The following PTGES variants were observed in gnomAD, a reference collection of about 807,000 sequenced individuals.
PTGES encodes prostaglandin E synthase.
In PTGES, 3 loss-of-function variants were observed where a neutral mutation model predicts 11.8. The ratio of observed to expected loss-of-function variants is 0.25; its 90% confidence interval spans 0.12 to 0.66. The LOEUF (loss-of-function observed/expected upper bound fraction) is 0.66, where lower values mean the gene tolerates loss of function less well. Ranked by LOEUF, PTGES falls within the 30% of genes least tolerant of loss-of-function variation. The pLI is 0.82. For missense variants in PTGES, 180 were observed against 213.0 expected, an observed-to-expected ratio of 0.85 and a Z score of 0.96; for synonymous variants, 94 against 90.4, an observed-to-expected ratio of 1.04 and a Z score of -0.22.
chr9:129,749,086 A>G (rs1833076748), intron 1 of PTGES, among the ~76,000 whole-genome samples: 1 of 152,222 alleles, frequency 6.6e-6, no homozygotes, highest in Non-Finnish European at 1.5e-5. Flanking sequence ...TCTCTGAGGC[A>G]GTGACATGAA....
Position 129,751,840 on chromosome 9 carries a change from C to T in PTGES, c.126+1047G>A, listed in dbSNP as rs184683348. Among the ~76,000 whole-genome samples, 145 of 152,270 alleles carry T rather than the reference C, an allele frequency of 9.5e-4. 1 individual carries two copies. Among genetic ancestry groups the T allele is most frequent in the African/African-American group, 3.2e-3 (134 of 41,570 alleles). ...GCCTCCCCTGCCCTCAGGGCTGTGGCGGGGATCTCATGCTCAGCTCCGGGC... is the reference window on the plus strand; with the variant it reads ...GCCTCCCCTGCCCTCAGGGCTGTGGTGGGGATCTCATGCTCAGCTCCGGGC... On this transcript the variant is annotated intron_variant, in intron 1 of 2. Coordinates refer to ENST00000340607, the MANE Select transcript of PTGES (RefSeq NM_004878.5).
Position 129,749,823 on chromosome 9 carries a change from G to C in PTGES, c.127-1086C>G, listed in dbSNP as rs148522628. On this transcript the variant is annotated intron_variant, in intron 1 of 2. Transcript: ENST00000340607. ...CAGAAAACCAGCACACGGGAGCACA[G>C]AGGGCAAGGGACAGGGGCCCAAGAT... 2.3e-3 allele frequency among the ~76,000 whole-genome samples: 351 copies of C among 152,338 alleles called. 4 individuals carry two copies. The highest frequency in any genetic ancestry group is 8.1e-3 in the African/African-American group (335 of 41,574).
chr9:129,751,643 C>T (rs1045794139), intron 1 of PTGES, among the ~76,000 whole-genome samples: 5 of 152,006 alleles, frequency 3.3e-5, no homozygotes, highest in African/African-American at 4.8e-5. Context: ...CATGCCGCTG[C>T]ACTCCAGCCT....
At chr9:129,750,365 G>T (rs931567374) in intron 1 of PTGES, among the ~76,000 whole-genome samples, 1 of 152,216 alleles carries the variant, frequency 6.6e-6, no homozygotes, top group African/African-American at 2.4e-5. Flanking sequence ...AGATCTTCGA[G>T]ATTGGAACCT....
At chr9:129,749,161 G>T (rs1385259536) in intron 1 of PTGES, among the ~76,000 whole-genome samples, 1 of 152,228 alleles carries the variant, frequency 6.6e-6, no homozygotes, top group Non-Finnish European at 1.5e-5. Context: ...GAAGGCCAAG[G>T]CAGGGGGATT....
chr9:129,744,891 A>T (rs4837407), intron 2 of PTGES, among the ~76,000 whole-genome samples: 14,608 of 151,448 alleles, frequency 0.096, 768 homozygotes, highest in East Asian at 0.2. Context: ...AAAAAAAAAA[A>T]TTTTTTTTGA....
chr9:129,743,034 G>T (rs1022489356), intron 2 of PTGES, among the ~76,000 whole-genome samples: 5 of 152,364 alleles, frequency 3.3e-5, no homozygotes, highest in African/African-American at 9.6e-5. Flanking sequence ...GGCAGACGTG[G>T]ATCCTGCTCT....
At chr9:129,751,924 C>G (rs1308925575) in intron 1 of PTGES, among the ~76,000 whole-genome samples, 1 of 152,208 alleles carries the variant, frequency 6.6e-6, no homozygotes, top group Non-Finnish European at 1.5e-5. Flanking sequence ...ACTTGATGCC[C>G]GGATCCCATA....
intron 2 of PTGES, among the ~76,000 whole-genome samples, chr9:129,743,220 T>C (rs1003471788): frequency 6.6e-6 from 1 of 152,186 alleles, no homozygotes; most frequent in Admixed American, 6.5e-5. Context: ...CCCTCACTCG[T>C]CTGGTCTGTC....
At chr9:129,741,798 G>A (rs531553224) in intron 2 of PTGES, among the ~76,000 whole-genome samples, 1 of 152,154 alleles carries the variant, frequency 6.6e-6, no homozygotes, top group East Asian at 1.9e-4. Context: ...CCAGCTACTC[G>A]GGAGGCTGAG....
intron 1 of PTGES, among the ~76,000 whole-genome samples, chr9:129,751,885 A>G (rs1833114298): frequency 6.6e-6 from 1 of 152,220 alleles, no homozygotes; most frequent in Non-Finnish European, 1.5e-5. Flanking sequence ...TCCTCTGGGA[A>G]GGATTCAATG....
intron 2 of PTGES, among the ~76,000 whole-genome samples, chr9:129,743,218 C>T (rs571532397): frequency 3.3e-5 from 5 of 152,306 alleles, no homozygotes; most frequent in East Asian, 1.9e-4. Flanking sequence ...CTCCCTCACT[C>T]GTCTGGTCTG....
intron 1 of PTGES, among the ~76,000 whole-genome samples, chr9:129,749,815 G>A (rs1833086412): frequency 6.6e-6 from 1 of 152,190 alleles, no homozygotes; most frequent in Non-Finnish European, 1.5e-5. Flanking sequence ...CCAGCACACG[G>A]GAGCACAGAG....
rs200639731 is a variant in PTGES, at chr9:129,739,564, C to T, written c.*47G>A. On this transcript the variant is annotated 3_prime_UTR_variant, in exon 3 of 3. Coordinates refer to ENST00000340607, the MANE Select transcript of PTGES (RefSeq NM_004878.5). This position sits in a 1 kb window ranked among gnomAD's most constrained non-coding sequence, Gnocchi z 5.7. Reference sequence around the variant, plus strand: ...ATCAAGTCCCCAGGTATAGCCACGGCGGCTCTTGGCCCATGGTCTGGTGGC... The same window carrying T: ...ATCAAGTCCCCAGGTATAGCCACGGTGGCTCTTGGCCCATGGTCTGGTGGC... 7.8e-6 allele frequency: 12 copies of T among 1,530,514 alleles called. No homozygotes were observed. The highest frequency in any genetic ancestry group is 7.4e-5 in the East Asian group (3 of 40,718). The allele number at this position is 1,530,514 out of a possible 1,614,324, so 94.8% of individuals were successfully genotyped here. A position where few individuals can be genotyped will look rare whatever the true frequency, so the allele number is the denominator to read the frequency against.
At chr9:129,752,380 A>G (rs1481384057) in intron 1 of PTGES, among the ~76,000 whole-genome samples, 2 of 152,102 alleles carry the variant, frequency 1.3e-5, no homozygotes, top group African/African-American at 4.8e-5. Flanking sequence ...TTAGTGGGGA[A>G]ATTCCTCGCT....
chr9:129,740,947 C>T (rs1588185390), intron 2 of PTGES, among the ~76,000 whole-genome samples: 1 of 152,232 alleles, frequency 6.6e-6, no homozygotes, highest in South Asian at 2.1e-4. Context: ...ACCGTCTCCT[C>T]GGGCCAGGCC....
chr9:129,741,844 G>T (rs1277926696), intron 2 of PTGES, among the ~76,000 whole-genome samples: 1 of 151,934 alleles, frequency 6.6e-6, no homozygotes, highest in Non-Finnish European at 1.5e-5. Context: ...GGTGGAGATT[G>T]CAGTGAGCTG....
intron 2 of PTGES, among the ~76,000 whole-genome samples, chr9:129,743,290 C>T (rs922264030): frequency 1.3e-5 from 2 of 152,180 alleles, no homozygotes; most frequent in Non-Finnish European, 2.9e-5. Context: ...GCAATGGAGA[C>T]ACCAAGGAAT....
At chr9:129,740,620 G>A (rs4147584) in intron 2 of PTGES, among the ~76,000 whole-genome samples, 24 of 152,080 alleles carry the variant, frequency 1.6e-4, no homozygotes, top group Admixed American at 9.2e-4. Context: ...TGGTGGGGGC[G>A]GAGGGGCTCT....
Sources: gnomAD v4.1 joint callset for allele counts (sites outside exome capture counted in the v4.1 genomes callset) on GRCh38, gnomAD v4.1.1 for gene constraint, Gnocchi (gnomAD v3.1) non-coding constraint, MANE v1.5 for transcripts, NCBI Gene and HGNC (gene_info 2026-07-23, HGNC 2026-07-21) for gene names.